Variants in ELP1 observed in about 807,000 individuals in gnomAD.
ELP1 encodes the protein elongator complex protein 1.
In ELP1, 131 loss-of-function variants were observed where a neutral mutation model predicts 183.2. The ratio of observed to expected loss-of-function variants is 0.72; its 90% CI spans 0.62 to 0.83. The LOEUF (loss-of-function observed/expected upper bound fraction) is 0.83. Among genes scored for constraint, ELP1 ranks in the 40% least tolerant of loss-of-function variants. The probability of loss-of-function intolerance (pLI) is 0.00; values close to 1 mark genes in which losing one functional copy is unlikely to be tolerated. For missense variants in ELP1, 1,550 were observed against 1,594.9 expected, an observed-to-expected ratio of 0.97 and a Z score of 0.48; for synonymous variants, 555 against 569.0, an observed-to-expected ratio of 0.98 and a Z score of 0.35.
chr9:108,886,572 C>T (rs1013690066), intron 29 of ELP1, among the ~76,000 whole-genome samples: 1 of 152,136 alleles, frequency 6.6e-6, no homozygotes, highest in Non-Finnish European at 1.5e-5. Flanking sequence ...AAAACAAAAC[C>T]CTTCATAGTT....
chr9:108,873,035 A>G (rs1321718177), intron 36 of ELP1, among the ~76,000 whole-genome samples: 1 of 152,172 alleles, frequency 6.6e-6, no homozygotes, highest in African/African-American at 2.4e-5. Context: ...CAGCACACAA[A>G]AAAGGCCATT....
chr9:108,887,423 T>A (rs1008593655), intron 29 of ELP1, among the ~76,000 whole-genome samples: 7 of 152,110 alleles, frequency 4.6e-5, no homozygotes, highest in Admixed American at 4.6e-4. Context: ...ATAGAAACCA[T>A]GTTTGTTGAT....
intron 25 of ELP1, among the ~76,000 whole-genome samples, chr9:108,895,824 T>C (rs974023385): frequency 1.3e-5 from 2 of 152,184 alleles, no homozygotes; most frequent in East Asian, 3.9e-4. Context: ...CCATGAGCCT[T>C]CTGTGCTCCA....
chr9:108,882,209 GACA>G (rs748267295), intron 29 of ELP1, 22 bp from the exon 30 acceptor site: 3 of 1,607,542 alleles, frequency 1.9e-6, no homozygotes, highest in East Asian at 4.5e-5. Context: ...ACAGGAAGAA[GACA>G]ACAAGTGAAG....
At chr9:108,878,774 T>TAAGCCTCCTGAGTAGCTAGAAA in intron 33 of ELP1, 24 bp from the exon 34 acceptor site, 1 of 1,612,912 alleles carries the variant, frequency 6.2e-7, no homozygotes, top group Non-Finnish European at 8.5e-7. Context: ...CACAGATATT[T>TAAGCCTCCTGAGTAGCTAGAAA]TTAAGCCTCC....
At chr9:108,897,386 G>T (rs943876720) in intron 22 of ELP1, 101 bp from the exon 23 acceptor site, 4 of 1,281,172 alleles carry the variant, frequency 3.1e-6, no homozygotes, top group South Asian at 1.2e-5. Context: ...AAATAAAAAT[G>T]ACTTTTGGAA....
At chr9:108,932,759 A>G (rs1047929826) in intron 1 of ELP1, among the ~76,000 whole-genome samples, 3 of 151,994 alleles carry the variant, frequency 2.0e-5, no homozygotes, top group Non-Finnish European at 4.4e-5. Flanking sequence ...ACTTCTTTCC[A>G]GGCTAGGAAA....
intron 11 of ELP1, among the ~76,000 whole-genome samples, chr9:108,912,031 G>A (rs947218401): frequency 6.6e-6 from 1 of 152,170 alleles, no homozygotes; most frequent in African/African-American, 2.4e-5. Flanking sequence ...GGCCAGGCAA[G>A]TAAACGTGTG....
intron 3 of ELP1, among the ~76,000 whole-genome samples, chr9:108,929,316 A>G (rs977853239): frequency 1.3e-5 from 2 of 152,236 alleles, no homozygotes; most frequent in African/African-American, 4.8e-5. Flanking sequence ...CAGTCATCAC[A>G]TGTGCAGGTA....
intron 35 of ELP1, among the ~76,000 whole-genome samples, chr9:108,876,143 G>C (rs1402018812): frequency 6.6e-6 from 1 of 151,972 alleles, no homozygotes; most frequent in Non-Finnish European, 1.5e-5. Context: ...AGGTGTTGTG[G>C]CATGCGCCTG....
chr9:108,901,064 A>C (rs939432639), intron 18 of ELP1, among the ~76,000 whole-genome samples: 1 of 152,174 alleles, frequency 6.6e-6, no homozygotes, highest in Non-Finnish European at 1.5e-5. Flanking sequence ...GCAGATGTAC[A>C]GTGGAGGGTG....
Position 108,931,091 on chromosome 9 carries a change from C to T in ELP1, c.56G>A (p.Gly19Glu), listed in dbSNP as rs771715592. ...TCGGAGAGAGAAGCACTGAGGATTCCCTGGACCTTGAATATCCCTGAACTC... is the reference window on the plus strand; with the variant it reads ...TCGGAGAGAGAAGCACTGAGGATTCTCTGGACCTTGAATATCCCTGAACTC... ...TLEFRDIQGP[G>E]NPQCFSLRTE... Residue 19 changes from glycine (G) to glutamate (E), a missense_variant, in exon 2 of 37, where the codon GGG becomes GAG. Coordinates refer to ENST00000374647, the MANE Select transcript of ELP1 (RefSeq NM_003640.5). 3 of 1,614,012 alleles carry T rather than the reference C, an allele frequency of 1.9e-6. No individual in the cohort carries two copies. Among genetic ancestry groups the T allele is most frequent in the South Asian group, 2.2e-5 (2 of 91,066 alleles).
chr9:108,892,716 G>A (rs1828389391), intron 27 of ELP1, among the ~76,000 whole-genome samples: 1 of 152,182 alleles, frequency 6.6e-6, no homozygotes, highest in African/African-American at 2.4e-5. Context: ...GTACTTGTTA[G>A]GATAATCAGA....
chr9:108,927,697 T>C (rs1587924787), intron 3 of ELP1, among the ~76,000 whole-genome samples: 1 of 152,150 alleles, frequency 6.6e-6, no homozygotes, highest in Non-Finnish European at 1.5e-5. Context: ...GGAGTACTAT[T>C]CAGCCATAAA....
At chr9:108,894,974 CA>C (rs1456146636) in intron 25 of ELP1, among the ~76,000 whole-genome samples, 23 of 152,192 alleles carry the variant, frequency 1.5e-4, no homozygotes, top group African/African-American at 5.5e-4. Context: ...CCCAAGACAA[CA>C]AATAATTAAG....
rs570322398 is a variant in ELP1, at chr9:108,892,290, T to G, written c.2958+696A>C. On this transcript the variant is annotated intron_variant, in intron 27 of 36. Transcript: ENST00000374647. ...GGTGGGTAGAGAAATGACAGAGGAA[T>G]CACACGATGTGACATCTGTAGAACT... is the stretch of plus-strand genomic sequence containing the variant. Among the ~76,000 whole-genome samples the G allele has an allele frequency of 2.6e-5, 4 of 152,226 alleles. No homozygotes were observed. In the East Asian group the frequency reaches 7.7e-4, roughly 29 times the overall value.
chr9:108,899,584 G>C (rs1364950529), intron 20 of ELP1, among the ~76,000 whole-genome samples: 2 of 151,158 alleles, frequency 1.3e-5, no homozygotes, highest in African/African-American at 4.9e-5. Context: ...CAGGTTAAGA[G>C]AAGCCCTCCT....
At chr9:108,889,804 G>A (rs1012512634) in intron 28 of ELP1, 4 of 246,784 alleles carry the variant, frequency 1.6e-5, no homozygotes, top group Non-Finnish European at 2.4e-5. Context: ...ACAATGAGAG[G>A]CACAGAGAAC....
At chr9:108,871,746 C>G (rs544306211) in intron 36 of ELP1, among the ~76,000 whole-genome samples, 1 of 152,360 alleles carries the variant, frequency 6.6e-6, no homozygotes, top group East Asian at 1.9e-4. Flanking sequence ...AGTTCTCATA[C>G]AATGACTGTG....
Sources: gnomAD v4.1 joint callset for allele counts (sites outside exome capture counted in the v4.1 genomes callset) on GRCh38, gnomAD v4.1.1 for gene constraint, MANE v1.5 for transcripts, NCBI Gene and HGNC (gene_info 2026-07-23, HGNC 2026-07-21) for gene names.